Variants in FBXO31 observed in about 807,000 individuals in gnomAD.
FBXO31 encodes F-box protein 31, also known as F-box only protein 31.
FBXO31 carries 24 observed loss-of-function variants against 54.4 expected under a neutral mutation model. The ratio of observed to expected loss-of-function variants is 0.44; its 90% CI spans 0.32 to 0.62. The LOEUF is 0.62. Ranked by LOEUF, FBXO31 falls within the 20% of genes least tolerant of loss-of-function variation. FBXO31 has a pLI of 0.05. For missense variants in FBXO31, 665 were observed against 787.1 expected, an observed-to-expected ratio of 0.84 and a Z score of 1.86; for synonymous variants, 388 against 335.6, an observed-to-expected ratio of 1.16 and a Z score of -1.71.
At chr16:87,340,467 C>G (rs1905157475) in intron 5 of FBXO31, among the ~76,000 whole-genome samples, 1 of 152,218 alleles carries the variant, frequency 6.6e-6, no homozygotes, top group African/African-American at 2.4e-5. Context: ...GATAACAGAT[C>G]AGGTCTGCAC....
intron 8 of FBXO31, 73 bp from the exon 9 acceptor site, chr16:87,331,583 G>A: frequency 7.9e-7 from 1 of 1,270,590 alleles, no homozygotes; most frequent in Non-Finnish European, 1.1e-6. Flanking sequence ...ACAGCATTCT[G>A]CGACCCCGCT....
chr16:87,345,138 G>A lies in FBXO31; in HGVS notation c.490-1373C>T, dbSNP rs576500056. 2.9e-4 allele frequency among the ~76,000 whole-genome samples: 44 copies of A among 152,284 alleles called. No homozygotes were observed. Among genetic ancestry groups the A allele is most frequent in the Middle Eastern group, 3.4e-3 (1 of 294 alleles). On this transcript the variant is annotated intron_variant, in intron 3 of 8. Transcript: ENST00000311635. This position sits in a 1 kb window ranked among gnomAD's most constrained non-coding sequence, Gnocchi z 4.9. ...CGGGGAGACAGACACACCCGCCCTC[G>A]CTGGGCTCAGCCCCTGGTCCCACAA... is the stretch of plus-strand genomic sequence containing the variant.
intron 1 of FBXO31, among the ~76,000 whole-genome samples, chr16:87,377,135 A>G (rs1906857797): frequency 6.6e-6 from 1 of 152,228 alleles, no homozygotes; most frequent in Non-Finnish European, 1.5e-5. Flanking sequence ...TTTGAAATCT[A>G]TAATTTTGAT....
upstream of FBXO31, chr16:87,383,814 AGCCACGCCCCCGCCGCAGAGCTC>A (rs978744639): frequency 1.7e-5 from 18 of 1,073,358 alleles, no homozygotes; most frequent in Non-Finnish European, 2.1e-5. This position sits in a 1 kb window ranked among gnomAD's most constrained non-coding sequence, Gnocchi z 4.9. Context: ...GCCAGCGCCG[AGCCACGCCCCCGCCGCAGAGCTC>A]GCCACGCCCC....
chr16:87,386,282 G>C (rs1265410030), upstream of FBXO31: 1 of 152,214 alleles, frequency 6.6e-6, no homozygotes, highest in East Asian at 1.9e-4. Context: ...ATGTGAACTC[G>C]TGGAAGACAG....
In FBXO31 at chr16:87,343,781, G is replaced by C. The variant is rs1245393072; in HGVS notation, c.490-16C>G. On this transcript the variant is annotated splice_polypyrimidine_tract_variant and intron_variant, in intron 3 of 8. Coordinates refer to ENST00000311635, the MANE Select transcript of FBXO31 (RefSeq NM_024735.5). ...GGCCGTCCACCTACAGGAGGAGATG[G>C]GCAAAGGTCCATGAGTGGCTCCCGG... 4 of 1,613,816 alleles carry C rather than the reference G, an allele frequency of 2.5e-6. No homozygotes were observed. Among genetic ancestry groups the C allele is most frequent in the Non-Finnish European group, 3.4e-6 (4 of 1,179,818 alleles).
intron 1 of FBXO31, among the ~76,000 whole-genome samples, chr16:87,381,488 T>C (rs542708073): frequency 8.9e-4 from 136 of 152,292 alleles, no homozygotes; most frequent in Admixed American, 2.0e-3. Flanking sequence ...TGAAGCAGCT[T>C]GTCCAGGATC....
intron 2 of FBXO31, among the ~76,000 whole-genome samples, chr16:87,352,077 G>A (rs183570347): frequency 2.4e-3 from 366 of 152,312 alleles, no homozygotes; most frequent in Non-Finnish European, 3.5e-3. Context: ...GCTCCCAGGT[G>A]ACTGTGATGT....
At position 87,345,441 on chromosome 16, in the gene FBXO31, T is replaced by C. The variant is rs910749861; in HGVS notation, c.490-1676A>G. ...GCAGAGCCCGCAGAGCACCACCTCCTCACCCCACAGGGACACCTGCAAATA... is the reference window on the plus strand; with the variant it reads ...GCAGAGCCCGCAGAGCACCACCTCCCCACCCCACAGGGACACCTGCAAATA... On this transcript the variant is annotated intron_variant, in intron 3 of 8. Transcript: ENST00000311635. This position sits in a 1 kb window ranked among gnomAD's most constrained non-coding sequence, Gnocchi z 4.9. Among the ~76,000 whole-genome samples, 9 of 152,104 alleles carry C rather than the reference T, an allele frequency of 5.9e-5. No homozygotes were observed. The highest frequency in any genetic ancestry group is 2.2e-4 in the African/African-American group (9 of 41,416).
At chr16:87,374,765 C>T (rs1427297095) in intron 1 of FBXO31, among the ~76,000 whole-genome samples, 2 of 152,170 alleles carry the variant, frequency 1.3e-5, no homozygotes, top group African/African-American at 2.4e-5. Context: ...GAGGAGTACG[C>T]GCCTGAGTCA....
Position 87,336,088 on chromosome 16 carries a change from G to C in FBXO31, c.842+67C>G, listed in dbSNP as rs926502480. 1.4e-6 allele frequency: 2 copies of C among 1,390,930 alleles called. No individual in the cohort carries two copies. Among genetic ancestry groups the C allele is most frequent in the African/African-American group, 2.8e-5 (2 of 70,476 alleles). The allele number at this position is 1,390,930 out of a possible 1,614,324, so 86.2% of individuals were successfully genotyped here. ...AGGACTATGCCCCAGCACCCACCGG[G>C]ACAGGGCTGGTCCCCAGCACACACC... On this transcript the variant is annotated intron_variant, in intron 6 of 8. Transcript: ENST00000311635. This position sits in a 1 kb window ranked among gnomAD's most constrained non-coding sequence, Gnocchi z 6.5.
Position 87,334,089 on chromosome 16 carries a change from C to A in FBXO31, c.1194G>T (p.Arg398=). 1 of 1,610,350 alleles carries A rather than the reference C, an allele frequency of 6.2e-7. No homozygotes were observed. Among genetic ancestry groups the A allele is most frequent in the South Asian group, 1.1e-5 (1 of 90,912 alleles). The part of the protein sequence containing the change: ...AGEGRGRQGP[R]ESQPSPAQPR... ...GCTGGGCAGGGCTTGGCTGGGACTC[C>A]CGGGGGCCCTGCCGGCCACGACCCT... The change falls in exon 8 of 9, where the codon CGG becomes CGT. Residue 398 remains arginine (R), a synonymous_variant. Transcript: ENST00000311635.
intron 2 of FBXO31, among the ~76,000 whole-genome samples, chr16:87,355,051 G>C (rs974779062): frequency 4.0e-5 from 6 of 151,846 alleles, no homozygotes; most frequent in African/African-American, 1.5e-4. Context: ...ACCCAGGACA[G>C]TCCTACACTC....
At chr16:87,360,634 A>G (rs911181508) in intron 1 of FBXO31, among the ~76,000 whole-genome samples, 3 of 152,270 alleles carry the variant, frequency 2.0e-5, no homozygotes, top group African/African-American at 7.2e-5. Context: ...CTAGAAGCCT[A>G]ACCACACAAA....
At chr16:87,365,037 A>ATATATATATATATATATATATCTATC (rs1489132121) in intron 1 of FBXO31, among the ~76,000 whole-genome samples, 6 of 106,892 alleles carry the variant, frequency 5.6e-5, no homozygotes, top group African/African-American at 1.8e-4. Context: ...ATATATATAT[A>ATATATATATATATATATATATCTATC]TATCAGGCAG....
rs1904843568 is a variant in FBXO31 at position 87,331,244 on chromosome 16, G to A, written c.*44C>T. ...GCTTCTATTCACAGGTCAGAGTTCA[G>A]AGCCCCAGAGCCACCCGGGATGTGG... On this transcript the variant is annotated 3_prime_UTR_variant, in exon 9 of 9. Coordinates refer to ENST00000311635, the MANE Select transcript of FBXO31 (RefSeq NM_024735.5). The A allele has an allele frequency of 1.3e-6, 2 of 1,588,276 alleles. No homozygotes were observed. Among genetic ancestry groups the A allele is most frequent in the Non-Finnish European group, 1.7e-6 (2 of 1,158,292 alleles).
intron 1 of FBXO31, among the ~76,000 whole-genome samples, chr16:87,371,382 C>T (rs186464158): frequency 3.3e-5 from 5 of 152,324 alleles, no homozygotes; most frequent in Admixed American, 2.0e-4. Context: ...TGGTCATCCC[C>T]GATACCACTC....
chr16:87,389,233 A>G lies in FBXO31; in HGVS notation c.-177+504T>C, dbSNP rs575940956. ...ACCTATGAGCCATCTTTAAACCCCA[A>G]TCATTTTGGATTCTTTTCTGAGAGC... On this transcript the variant is annotated intron_variant, in intron 1 of 8. Transcript: ENST00000618298. 8.1e-4 allele frequency among the ~76,000 whole-genome samples: 124 copies of G among 152,276 alleles called. No individual in the cohort carries two copies. In the South Asian group the frequency reaches 0.014, roughly 18 times the overall value.
intron 1 of FBXO31, among the ~76,000 whole-genome samples, chr16:87,380,161 A>G (rs1202048582): frequency 2.7e-5 from 4 of 150,876 alleles, no homozygotes; most frequent in East Asian, 2.0e-4. Flanking sequence ...AGCCGGGCAT[A>G]GTGGCGGGCG....
Sources: gnomAD v4.1 joint callset for allele counts (sites outside exome capture counted in the v4.1 genomes callset) on GRCh38, gnomAD v4.1.1 for gene constraint, Gnocchi (gnomAD v3.1) non-coding constraint, MANE v1.5 for transcripts, NCBI Gene and HGNC (gene_info 2026-07-23, HGNC 2026-07-21) for gene names.